Variants in DMTN observed in about 807,000 individuals in gnomAD.
DMTN encodes the protein dematin actin binding protein.
Under a neutral mutation model 59.4 loss-of-function variants are expected in DMTN, and 27 were observed. The ratio of observed to expected loss-of-function variants is 0.45; its 90% CI spans 0.33 to 0.63. The LOEUF is 0.63. Ranked by LOEUF, DMTN falls within the 20% of genes least tolerant of loss-of-function variation. The pLI, the probability that DMTN is intolerant of heterozygous loss-of-function variation, is 0.02. For synonymous variants in DMTN, 221 were observed against 203.7 expected (o/e 1.08, Z -0.72); for missense variants, 451 against 528.9 (o/e 0.85, Z 1.45).
At chr8:22,079,668 T>G (rs1026503596) in intron 10 of DMTN, among the ~76,000 whole-genome samples, 1 of 151,860 alleles carries the variant, frequency 6.6e-6, no homozygotes, top group African/African-American at 2.4e-5. Flanking sequence ...CCATGTTGGT[T>G]AGGCTGGTCT....
chr8:22,072,893 G>C (rs2131218887), intron 9 of DMTN, among the ~76,000 whole-genome samples: 1 of 152,204 alleles, frequency 6.6e-6, no homozygotes, highest in South Asian at 2.1e-4. Context: ...CAAGACCCCA[G>C]GATTTTGCTT....
chr8:22,056,285 G>C (rs191355886), upstream of DMTN, among the ~76,000 whole-genome samples: 10 of 152,272 alleles, frequency 6.6e-5, no homozygotes, highest in East Asian at 1.5e-3. Flanking sequence ...TGAGGACCTG[G>C]TTGCATCCCT....
chr8:22,054,956 A>T (rs553172595), upstream of DMTN: 9 of 152,696 alleles, frequency 5.9e-5, no homozygotes, highest in African/African-American at 2.2e-4. Context: ...ATGGAGGTGT[A>T]TGTCACCGAG....
chr8:22,080,078 T>C, intron 10 of DMTN, 102 bp from the exon 11 acceptor site: 2 of 1,404,012 alleles, frequency 1.4e-6, no homozygotes, highest in East Asian at 2.3e-5. Context: ...GCGTGATCCC[T>C]TCCTGCCCTG....
intron 4 of DMTN, among the ~76,000 whole-genome samples, chr8:22,068,442 C>T (rs575793603): frequency 6.6e-6 from 1 of 152,192 alleles, no homozygotes; most frequent in Non-Finnish European, 1.5e-5. Context: ...GTGCTGTGCA[C>T]CTGTAGTTTC....
intron 10 of DMTN, among the ~76,000 whole-genome samples, chr8:22,074,338 C>G (rs1447353292): frequency 6.6e-6 from 1 of 152,164 alleles, no homozygotes; most frequent in Non-Finnish European, 1.5e-5. Context: ...CAGTGGTGCA[C>G]TCTCAGCTCA....
At chr8:22,075,058 A>G (rs964969990) in intron 10 of DMTN, among the ~76,000 whole-genome samples, 2 of 151,792 alleles carry the variant, frequency 1.3e-5, no homozygotes, top group Admixed American at 1.3e-4. Flanking sequence ...ATGGTGGCGC[A>G]TGTCTGTAAT....
chr8:22,081,827 A>C lies in DMTN; in HGVS notation c.*364A>C. The C allele has an allele frequency of 4.2e-6, 2 of 475,368 alleles. No individual in the cohort carries two copies. The highest frequency in any genetic ancestry group is 8.3e-6 in the Non-Finnish European group (2 of 239,658). The allele number at this position is 475,368 out of a possible 1,614,324, so 29.4% of individuals were successfully genotyped here. A position where few individuals can be genotyped will look rare whatever the true frequency, so the allele number is the denominator to read the frequency against. Reference sequence around the variant, plus strand: ...TCTTGAACAGCTGGAGGGAAGATGCAGGGGTGGGAAGCGGCCAGGCAGAAA... The same window carrying C: ...TCTTGAACAGCTGGAGGGAAGATGCCGGGGTGGGAAGCGGCCAGGCAGAAA... On this transcript the variant is annotated 3_prime_UTR_variant, in exon 16 of 16. Transcript: ENST00000358242.
At chr8:22,074,771 G>A (rs970267946) in intron 10 of DMTN, among the ~76,000 whole-genome samples, 1 of 152,152 alleles carries the variant, frequency 6.6e-6, no homozygotes, top group Admixed American at 6.5e-5. Flanking sequence ...GATGGGGAGC[G>A]GGGCAGGCTT....
At chr8:22,069,276 A>C (rs1813275114) in intron 5 of DMTN, 143 bp from the exon 6 acceptor site, 1 of 874,498 alleles carries the variant, frequency 1.1e-6, no homozygotes, top group African/African-American at 1.7e-5. Context: ...AGGTCCTTGG[A>C]ACTGTGCCAC....
At chr8:22,075,467 G>T (rs1247263166) in intron 10 of DMTN, among the ~76,000 whole-genome samples, 2 of 149,850 alleles carry the variant, frequency 1.3e-5, no homozygotes, top group Admixed American at 6.7e-5. Flanking sequence ...TCCTGCCTCG[G>T]CCTCCTGAGT....
chr8:22,063,430 A>T (rs58934575), intron 1 of DMTN, among the ~76,000 whole-genome samples: 5,311 of 152,240 alleles, frequency 0.035, 311 homozygotes, highest in African/African-American at 0.12. Flanking sequence ...TGCTTGAATC[A>T]TGTAACTTCT....
Position 22,073,786 on chromosome 8 carries a change from G to A in DMTN, c.786G>A (p.Pro262=), listed in dbSNP as rs769752070. 5 of 1,613,870 alleles carry A rather than the reference G, an allele frequency of 3.1e-6. No homozygotes were observed. Among genetic ancestry groups the A allele is most frequent in the South Asian group, 2.2e-5 (2 of 91,076 alleles). Residue 262 remains proline (P), a synonymous_variant, in exon 10 of 16, where the codon CCG becomes CCA. Transcript: ENST00000358242. The part of the protein sequence containing the change: ...ILKEEMEKSL[P]IRRKTRSLPD... ...AAGAAGAGATGGAAAAGTCATTGCCGATCCGAAGGAAAACCCGCTCTCTGC... is the reference window on the plus strand; with the variant it reads ...AAGAAGAGATGGAAAAGTCATTGCCAATCCGAAGGAAAACCCGCTCTCTGC...
upstream of DMTN, chr8:22,054,709 G>C (rs973625683): frequency 6.5e-6 from 1 of 152,808 alleles, no homozygotes; most frequent in African/African-American, 2.4e-5. Flanking sequence ...GAAAGGAAGT[G>C]GGGGGATGGG....
intron 4 of DMTN, 105 bp downstream of exon 4, chr8:22,067,787 C>T (rs1175145911): frequency 5.1e-6 from 7 of 1,378,758 alleles, no homozygotes; most frequent in Non-Finnish European, 6.9e-6. Flanking sequence ...TCTGCCTCGG[C>T]AAAACAAGAG....
At position 22,081,480 on chromosome 8, in the gene DMTN, C is replaced by T. The variant is rs754900555; in HGVS notation, c.*17C>T. 12 of 1,608,782 alleles carry T rather than the reference C, an allele frequency of 7.5e-6. No individual in the cohort carries two copies. The highest frequency in any genetic ancestry group is 5.3e-5 in the African/African-American group (4 of 74,942). On this transcript the variant is annotated 3_prime_UTR_variant, in exon 16 of 16. Coordinates refer to ENST00000358242, the MANE Select transcript of DMTN (RefSeq NM_001387751.1). ...CTCTTCTGATGGCCCCCACCTGCTC[C>T]GGGACGGCCCCCTTACCCCTGCTGC...
At chr8:22,071,803 A>G (rs1215435217) in intron 8 of DMTN, among the ~76,000 whole-genome samples, 1 of 151,814 alleles carries the variant, frequency 6.6e-6, no homozygotes, top group African/African-American at 2.4e-5. Flanking sequence ...GATTGTCTCG[A>G]TCTCCTGACC....
rs568652280 is a variant in DMTN, at chr8:22,070,050, A to C, written c.451+113A>C. 1.2e-5 allele frequency: 18 copies of C among 1,557,630 alleles called. No homozygotes were observed. The East Asian group carries it at 4.0e-4, about 35-fold the overall frequency. Reference sequence around the variant, plus strand: ...CGGGAGGATAGCATGTCACAGCAGCACGTGTGCCCCGTGCTCAGCGTGTAC... The same window carrying C: ...CGGGAGGATAGCATGTCACAGCAGCCCGTGTGCCCCGTGCTCAGCGTGTAC... On this transcript the variant is annotated intron_variant, in intron 7 of 15. Transcript: ENST00000358242.
At chr8:22,050,916 C>T (rs1474922555), upstream of DMTN, among the ~76,000 whole-genome samples, 2 of 152,334 alleles carry the variant, frequency 1.3e-5, no homozygotes, top group East Asian at 1.9e-4. Context: ...TCCCCCTGAA[C>T]TGGTGGTGAC....
Sources: allele counts gnomAD v4.1 joint callset (sites outside exome capture counted in the v4.1 genomes callset), GRCh38; gene constraint gnomAD v4.1.1; transcripts MANE v1.5; gene names NCBI Gene and HGNC (gene_info 2026-07-23, HGNC 2026-07-21).